The following TSGA10 variants were observed in gnomAD, a reference collection of about 807,000 sequenced individuals.
The protein encoded by TSGA10 is testis specific 10, also known as testis-specific gene 10 protein.
A neutral mutation model predicts 96.6 loss-of-function variants in TSGA10; 43 were observed. That is an observed-to-expected ratio of 0.44 (90% confidence interval 0.35 to 0.57). TSGA10 has a LOEUF of 0.57. Among genes scored for constraint, TSGA10 ranks in the 20% least tolerant of loss-of-function variants. The probability of loss-of-function intolerance (pLI) is 0.01; values close to 1 mark genes in which losing one functional copy is unlikely to be tolerated. For synonymous variants in TSGA10, 229 were observed against 269.9 expected, an observed-to-expected ratio of 0.85 and a Z score of 1.48; for missense variants, 703 against 834.4, an observed-to-expected ratio of 0.84 and a Z score of 1.94.
intron 20 of TSGA10, among the ~76,000 whole-genome samples, chr2:98,999,571 C>A (rs1217541617): frequency 7.8e-6 from 1 of 128,962 alleles, no homozygotes; most frequent in Non-Finnish European, 1.5e-5. Context: ...AAGGTAACAA[C>A]TAAAATAAAA....
At chr2:99,044,197 C>T (rs184805809) in intron 16 of TSGA10, among the ~76,000 whole-genome samples, 3 of 152,020 alleles carry the variant, frequency 2.0e-5, no homozygotes, top group Non-Finnish European at 4.4e-5. Context: ...TTAAATGTAA[C>T]TGGGCTAAAT....
In TSGA10 at chr2:99,018,581, T is replaced by C; in HGVS notation, c.1877A>G (p.Asp626Gly). The C allele has an allele frequency of 6.2e-7, 1 of 1,614,094 alleles. No individual in the cohort carries two copies. The highest frequency in any genetic ancestry group is 8.5e-7 in the Non-Finnish European group (1 of 1,179,990). ...TAGTTGTCTTTTGGTAATGTCTAAA[T>C]CAGCTTCCAATTGTGTGACAACATT... The part of the protein sequence containing the change: ...FRNVVTQLEA[D>G]LDITKRQLGT... Residue 626 changes from aspartate (D) to glycine (G), a missense_variant, in exon 19 of 21, where the codon GAT becomes GGT. By Grantham distance (94) the Asp-to-Gly change is moderately conservative. Transcript: ENST00000393483.
intron 10 of TSGA10, among the ~76,000 whole-genome samples, chr2:99,091,565 A>G (rs1425558747): frequency 6.6e-6 from 1 of 152,124 alleles, no homozygotes; most frequent in Admixed American, 6.5e-5. Flanking sequence ...AGACTCACCT[A>G]ACACATAAGA....
chr2:99,018,396 T>C (rs1311235923), intron 19 of TSGA10, 47 bp from the exon 20 acceptor site: 19 of 1,600,888 alleles, frequency 1.2e-5, no homozygotes, highest in Non-Finnish European at 1.5e-5. Context: ...AGCAAAATTA[T>C]TAAAACTATC....
intron 1 of TSGA10, among the ~76,000 whole-genome samples, chr2:99,144,052 G>C (rs1047928497): frequency 6.6e-6 from 1 of 151,176 alleles, no homozygotes; most frequent in Non-Finnish European, 1.5e-5. Flanking sequence ...ATGGAGTCTC[G>C]CTTTGTCTCC....
chr2:99,112,761 G>A (rs541332594), intron 4 of TSGA10, among the ~76,000 whole-genome samples: 28 of 151,118 alleles, frequency 1.9e-4, no homozygotes, highest in South Asian at 4.2e-4. Context: ...AAAATAAAGC[G>A]AAGGAGAAAG....
At chr2:99,105,842 C>A in intron 7 of TSGA10, 145 bp from the exon 8 acceptor site, 1 of 490,084 alleles carries the variant, frequency 2.0e-6, no homozygotes, top group Non-Finnish European at 3.5e-6. Flanking sequence ...TTAAAATAAG[C>A]TTATACAAAT....
rs70940132 is a variant in TSGA10 at position 99,031,286 on chromosome 2, CAAAAAAAAAAAAAAAAA to C, written c.1614+3927_1614+3943del. Among the ~76,000 whole-genome samples the C allele has an allele frequency of 1.1e-4, 5 of 46,384 alleles. No homozygotes were observed. In the Admixed American group the frequency reaches 1.1e-3, roughly 10 times the overall value. The allele number at this position is 46,384 out of a possible 152,430, so 30.4% of individuals were successfully genotyped here. A position where few individuals can be genotyped will look rare whatever the true frequency, so the allele number is the denominator to read the frequency against. On this transcript the variant is annotated intron_variant, in intron 17 of 20. Coordinates refer to ENST00000393483, the MANE Select transcript of TSGA10 (RefSeq NM_025244.4). ...CAGAAGAAGGTGGATACTCATAGGC[CAAAAAAAAAAAAAAAAA>C]AAAAAAAAAGAACCTCTATGTCAAC...
chr2:99,011,643 C>T (rs527320497), intron 20 of TSGA10, among the ~76,000 whole-genome samples: 3 of 152,288 alleles, frequency 2.0e-5, no homozygotes, highest in Admixed American at 6.5e-5. Flanking sequence ...GACCTCCTCC[C>T]TGACCTTTAA....
rs764803630 is a variant in TSGA10, at chr2:99,133,266, C to A, written c.-620-6090G>T. Among the ~76,000 whole-genome samples, 65 of 151,998 alleles carry A rather than the reference C, an allele frequency of 4.3e-4. 2 individuals are homozygous for A. The highest frequency in any genetic ancestry group is 1.3e-4 in the Non-Finnish European group (9 of 67,968). ...AGAACTTGCTTTATGAATGAGGGTG[C>A]CCTGTATTGGGTGCATATATATTTA... On this transcript the variant is annotated intron_variant, in intron 1 of 20. Transcript: ENST00000393483.
At chr2:99,074,789 T>G (rs562982671) in intron 12 of TSGA10, among the ~76,000 whole-genome samples, 1 of 151,996 alleles carries the variant, frequency 6.6e-6, no homozygotes, top group East Asian at 1.9e-4. Context: ...TGAAACCCCA[T>G]CTCTACTGAA....
intron 17 of TSGA10, among the ~76,000 whole-genome samples, chr2:99,025,490 G>A (rs2080480231): frequency 6.6e-6 from 1 of 152,146 alleles, no homozygotes; most frequent in East Asian, 1.9e-4. Flanking sequence ...CCCGATTTTA[G>A]TAATTTGGCT....
intron 1 of TSGA10, among the ~76,000 whole-genome samples, chr2:99,144,889 G>A (rs867159672): frequency 2.2e-4 from 33 of 152,292 alleles, no homozygotes; most frequent in African/African-American, 7.7e-4. Flanking sequence ...GAACAGCAAT[G>A]GGGTGATAGG....
chr2:99,100,344 G>A (rs2090543429), intron 10 of TSGA10, among the ~76,000 whole-genome samples: 1 of 152,022 alleles, frequency 6.6e-6, no homozygotes, highest in Non-Finnish European at 1.5e-5. Context: ...AAAGACAAAT[G>A]GAACAGATTA....
intron 19 of TSGA10, 51 bp downstream of exon 19, chr2:99,018,485 C>T (rs777019883): frequency 1.3e-6 from 2 of 1,587,478 alleles, no homozygotes; most frequent in African/African-American, 1.4e-5. Context: ...AGAAACAATG[C>T]TTTCCATGCT....
chr2:99,125,445 G>A (rs1287697520), intron 2 of TSGA10: 3 of 152,026 alleles, frequency 2.0e-5, no homozygotes, highest in South Asian at 2.1e-4. Flanking sequence ...TTCTTCATTC[G>A]TTTCCAGCAT....
intron 16 of TSGA10, among the ~76,000 whole-genome samples, chr2:99,050,121 T>C (rs1467719330): frequency 6.6e-6 from 1 of 151,896 alleles, no homozygotes; most frequent in African/African-American, 2.4e-5. Context: ...AGAGACAAAC[T>C]CAAAGCCAAA....
chr2:99,119,262 A>G (rs1559075691), intron 2 of TSGA10, among the ~76,000 whole-genome samples: 1 of 152,190 alleles, frequency 6.6e-6, no homozygotes, highest in African/African-American at 2.4e-5. Flanking sequence ...ACCAAGAGGC[A>G]TAATTAAAGT....
Position 99,088,075 on chromosome 2 carries a change from G to C in TSGA10, c.612-6678C>G, listed in dbSNP as rs2088782591. On this transcript the variant is annotated intron_variant, in intron 10 of 20. Coordinates refer to ENST00000393483, the MANE Select transcript of TSGA10 (RefSeq NM_025244.4). ...AACCTTTCTCACATGGGGTTCTGTG[G>C]GAGAAAGAACTAGATAAAATTAATT... Among the ~76,000 whole-genome samples the C allele has an allele frequency of 3.9e-5, 6 of 152,268 alleles. No homozygotes were observed. In the South Asian group the frequency reaches 1.2e-3, roughly 32 times the overall value.
Sources: allele counts gnomAD v4.1 joint callset (sites outside exome capture counted in the v4.1 genomes callset), GRCh38; gene constraint gnomAD v4.1.1; transcripts MANE v1.5; gene names NCBI Gene and HGNC (gene_info 2026-07-23, HGNC 2026-07-21).